The following UTRN variants were observed in gnomAD, a reference collection of about 807,000 sequenced individuals.
UTRN encodes the protein utrophin, also known as dystrophin-related protein 1.
A neutral mutation model predicts 463.9 loss-of-function variants in UTRN; 283 were observed. The ratio of observed to expected loss-of-function variants is 0.61; its 90% confidence interval spans 0.55 to 0.67. UTRN has a LOEUF of 0.67. Ranked by LOEUF, UTRN falls within the 30% of genes least tolerant of loss-of-function variation. The pLI is 0.00. For missense variants in UTRN, 3,922 were observed against 4,084.3 expected, an observed-to-expected ratio of 0.96 and a Z score of 1.08; for synonymous variants, 1,442 against 1,431.5, an observed-to-expected ratio of 1.01 and a Z score of -0.17.
intron 28 of UTRN, among the ~76,000 whole-genome samples, chr6:144,486,075 T>G (rs1195943504): frequency 6.6e-6 from 1 of 152,250 alleles, no homozygotes; most frequent in Middle Eastern, 3.4e-3. Context: ...CATGTTAACT[T>G]AATAACCGTT....
chr6:144,690,095 T>TTTTTTTTTTG (rs59704043), intron 52 of UTRN, among the ~76,000 whole-genome samples: 2 of 33,452 alleles, frequency 6.0e-5, no homozygotes, highest in Admixed American at 6.8e-4. Context: ...TTTTTTTTTT[T>TTTTTTTTTTG]TGTGTGTGTG....
Position 144,448,715 on chromosome 6 carries a change from C to T in UTRN, c.2018C>T (p.Pro673Leu). The T allele has an allele frequency of 6.2e-7, 1 of 1,613,976 alleles. No homozygotes were observed. The highest frequency in any genetic ancestry group is 8.5e-7 in the Non-Finnish European group (1 of 1,179,948). ...AAAAAATCTAAGCAGGAACTGCCTC[C>T]TCCTCCTCCCCCAAAGAAGAGACAG... ...ITKKSKQELP[P>L]PPPPKKRQIH... Residue 673 changes from proline (P) to leucine (L), a missense_variant, in exon 17 of 75, where the codon CCT (proline) becomes CTT (leucine). Coordinates refer to ENST00000367545, the MANE Select transcript of UTRN (RefSeq NM_007124.3).
intron 2 of UTRN, among the ~76,000 whole-genome samples, chr6:144,302,217 A>T (rs2473149): frequency 0.13 from 20,317 of 152,036 alleles, 1,704 homozygotes; most frequent in African/African-American, 0.23. Context: ...TAAGTGCTTA[A>T]CAAAGACTTG....
chr6:144,806,871 G>T (rs1778195909), intron 65 of UTRN, among the ~76,000 whole-genome samples: 6 of 102,030 alleles, frequency 5.9e-5, no homozygotes, highest in African/African-American at 1.0e-4. Flanking sequence ...ATAAATGCAA[G>T]TATTCAGAAA....
intron 51 of UTRN, among the ~76,000 whole-genome samples, chr6:144,656,472 C>T (rs762227334): frequency 6.6e-6 from 1 of 152,168 alleles, no homozygotes; most frequent in Non-Finnish European, 1.5e-5. Context: ...AGCGCAGTGG[C>T]ACGATCTCGG....
intron 51 of UTRN, among the ~76,000 whole-genome samples, chr6:144,625,142 C>G (rs1259900787): frequency 6.6e-6 from 1 of 152,146 alleles, no homozygotes; most frequent in Non-Finnish European, 1.5e-5. Flanking sequence ...AATATCCACA[C>G]GTCTGGAAGA....
At chr6:144,301,439 G>T (rs1396496814) in intron 2 of UTRN, among the ~76,000 whole-genome samples, 3 of 151,604 alleles carry the variant, frequency 2.0e-5, no homozygotes, top group Non-Finnish European at 4.4e-5. Flanking sequence ...TGAGGGCCTT[G>T]GCATCAAGGC....
At chr6:144,452,683 C>T (rs1031501674) in intron 18 of UTRN, among the ~76,000 whole-genome samples, 12 of 151,874 alleles carry the variant, frequency 7.9e-5, no homozygotes, top group African/African-American at 1.7e-4. Context: ...CCATGGCTCA[C>T]GCTTATAATT....
intron 32 of UTRN, among the ~76,000 whole-genome samples, chr6:144,491,338 T>A (rs1344941026): frequency 1.3e-5 from 2 of 152,180 alleles, no homozygotes; most frequent in South Asian, 2.1e-4. Flanking sequence ...TATAACATGA[T>A]GACAAAAACC....
chr6:144,557,427 A>ATATAT, intron 50 of UTRN, 116 bp downstream of exon 50: 2 of 858,198 alleles, frequency 2.3e-6, no homozygotes, highest in Non-Finnish European at 3.2e-6. Flanking sequence ...TTTTATTATT[A>ATATAT]TGTATTTTTA....
intron 53 of UTRN, among the ~76,000 whole-genome samples, chr6:144,714,347 C>T (rs1000453658): frequency 6.6e-6 from 1 of 152,180 alleles, no homozygotes; most frequent in Non-Finnish European, 1.5e-5. Context: ...ATGTTTGCAT[C>T]ATTTATTTTT....
chr6:144,797,715 T>C (rs1777351496), intron 63 of UTRN, 109 bp from the exon 64 acceptor site: 1 of 1,098,086 alleles, frequency 9.1e-7, no homozygotes, highest in African/African-American at 1.6e-5. Context: ...GAAAGAGTTA[T>C]ATAGTTTCCT....
At position 144,459,025 on chromosome 6, in the gene UTRN, G is replaced by A. The variant is rs371590372; in HGVS notation, c.2526+14G>A. 5 of 1,585,740 alleles carry A rather than the reference G, an allele frequency of 3.2e-6. No homozygotes were observed. The highest frequency in any genetic ancestry group is 3.4e-6 in the Non-Finnish European group (4 of 1,167,450). The stretch of plus-strand genomic sequence containing the variant: ...GATTCCTGTCAGGTAAGGAGCCAAC[G>A]GTCTGGAAAGTGGAGGAATTCTATG... On this transcript the variant is annotated intron_variant, in intron 20 of 74. Coordinates refer to ENST00000367545, the MANE Select transcript of UTRN (RefSeq NM_007124.3).
intron 39 of UTRN, 91 bp from the exon 40 acceptor site, chr6:144,521,889 C>T (rs1315487249): frequency 6.9e-6 from 6 of 870,886 alleles, no homozygotes; most frequent in Non-Finnish European, 7.5e-6. Flanking sequence ...TATTGCATTC[C>T]TTCACACAAT....
chr6:144,827,592 T>C lies in UTRN; in HGVS notation c.9534-19T>C, dbSNP rs1780298754. The stretch of plus-strand genomic sequence containing the variant: ...AATATTTGGGCATAAAATTATTGCT[T>C]TGTTTTTTTCTTTTAAAGCCCCTCA... On this transcript the variant is annotated intron_variant, in intron 67 of 74. Transcript: ENST00000367545. 6.2e-7 allele frequency: 1 copy of C among 1,613,138 alleles called. No homozygotes were observed. The highest frequency in any genetic ancestry group is 1.3e-5 in the African/African-American group (1 of 74,884).
intron 73 of UTRN, among the ~76,000 whole-genome samples, chr6:144,845,034 C>G (rs759383199): frequency 4.6e-5 from 7 of 152,206 alleles, no homozygotes; most frequent in Non-Finnish European, 5.9e-5. Flanking sequence ...TTAACTGTGT[C>G]TACACATTGT....
At chr6:144,361,072 C>T (rs564579930) in intron 2 of UTRN, among the ~76,000 whole-genome samples, 2 of 152,276 alleles carry the variant, frequency 1.3e-5, no homozygotes, top group Admixed American at 6.5e-5. Flanking sequence ...TTAACTTCAC[C>T]GATTCAAGAG....
intron 50 of UTRN, among the ~76,000 whole-genome samples, chr6:144,561,244 TATATATATATATATATACATAC>T (rs1465148616): frequency 1.8e-4 from 14 of 77,500 alleles, no homozygotes; most frequent in African/African-American, 6.9e-4. Flanking sequence ...TATATATATA[TATATATATATATATATACATAC>T]ACACACACAC....
At chr6:144,395,795 T>G (rs1289617998) in intron 2 of UTRN, among the ~76,000 whole-genome samples, 1 of 152,102 alleles carries the variant, frequency 6.6e-6, no homozygotes, top group East Asian at 1.9e-4. Context: ...GTGTCTAAGT[T>G]TGGGGGTTTT....
Sources: gnomAD v4.1 joint callset for allele counts (sites outside exome capture counted in the v4.1 genomes callset) on GRCh38, gnomAD v4.1.1 for gene constraint, MANE v1.5 for transcripts, NCBI Gene and HGNC (gene_info 2026-07-23, HGNC 2026-07-21) for gene names.